GNG12: variants seen among roughly 807,000 people sequenced by gnomAD.
The protein encoded by GNG12 is guanine nucleotide-binding protein G(I)/G(S)/G(O) subunit gamma-12.
For synonymous variants in GNG12, 28 were observed against 29.7 expected, an observed-to-expected ratio of 0.94 and a Z score of 0.19; for missense variants, 69 against 83.8, an observed-to-expected ratio of 0.82 and a Z score of 0.69.
intron 1 of GNG12, among the ~76,000 whole-genome samples, chr1:67,802,596 A>G (rs530666013): frequency 2.0e-5 from 3 of 152,174 alleles, no homozygotes; most frequent in Non-Finnish European, 4.4e-5. Context: ...AAAACAAAAA[A>G]TCATTAGGGA....
chr1:67,813,954 T>C (rs1646940118), intron 1 of GNG12, among the ~76,000 whole-genome samples: 1 of 152,134 alleles, frequency 6.6e-6, no homozygotes, highest in Non-Finnish European at 1.5e-5. Flanking sequence ...CACATATATA[T>C]GTAATTAAAA....
chr1:67,821,902 G>A (rs1646987039), intron 1 of GNG12, among the ~76,000 whole-genome samples: 1 of 152,004 alleles, frequency 6.6e-6, no homozygotes, highest in South Asian at 2.1e-4. Context: ...TTGCAAACGG[G>A]AAAACAGGAT....
intron 2 of GNG12, among the ~76,000 whole-genome samples, chr1:67,762,665 G>A (rs1375654565): frequency 4.6e-5 from 7 of 152,084 alleles, no homozygotes; most frequent in Non-Finnish European, 1.0e-4. Context: ...TTGAGCATTA[G>A]CGTTTATCTC....
chr1:67,803,589 G>A (rs566082093), intron 1 of GNG12, among the ~76,000 whole-genome samples: 1 of 152,248 alleles, frequency 6.6e-6, no homozygotes, highest in Non-Finnish European at 1.5e-5. Context: ...TAATGAGTGT[G>A]TACAACATAT....
chr1:67,824,792 A>C (rs1458602371), intron 1 of GNG12, among the ~76,000 whole-genome samples: 2 of 152,178 alleles, frequency 1.3e-5, no homozygotes, highest in Non-Finnish European at 2.9e-5. Context: ...TCTCATGTGA[A>C]AGTCAGTCAG....
chr1:67,744,274 A>C (rs527929920), intron 2 of GNG12, among the ~76,000 whole-genome samples: 1 of 152,304 alleles, frequency 6.6e-6, no homozygotes, highest in East Asian at 1.9e-4. Context: ...GATCAACTCC[A>C]AACTTTTGCT....
intron 1 of GNG12, among the ~76,000 whole-genome samples, chr1:67,810,423 G>C (rs972380432): frequency 1.3e-5 from 2 of 152,304 alleles, no homozygotes. Context: ...TGATAATGAT[G>C]TGTCAACTTA....
At chr1:67,730,481 G>T (rs1420358061) in intron 2 of GNG12, among the ~76,000 whole-genome samples, 2 of 152,106 alleles carry the variant, frequency 1.3e-5, no homozygotes, top group African/African-American at 4.8e-5. Context: ...CTCCAGCCTG[G>T]TCAACAGAGC....
At chr1:67,832,957 C>T (rs1360288421) in intron 1 of GNG12, among the ~76,000 whole-genome samples, 1 of 152,210 alleles carries the variant, frequency 6.6e-6, no homozygotes, top group Non-Finnish European at 1.5e-5. Context: ...CGGCCGCAGG[C>T]TGGCGAGGAG....
chr1:67,701,534 G>C lies in GNG12; in HGVS notation c.*3917C>G, dbSNP rs568817870. On this transcript the variant is annotated 3_prime_UTR_variant, in exon 4 of 4. Transcript: ENST00000370982. ...TAGGATGATACAATGAGGCACTGAC[G>C]CAGTACAGAAAGCAATGGTGCTTTT... 4 of 152,666 alleles carry C rather than the reference G, an allele frequency of 2.6e-5. No individual in the cohort carries two copies. The highest frequency in any genetic ancestry group is 5.9e-5 in the Non-Finnish European group (4 of 68,048). 9.5% of individuals were successfully genotyped at this position (152,666 alleles called of 1,614,324 possible). A position where few individuals can be genotyped will look rare whatever the true frequency, so the allele number is the denominator to read the frequency against.
chr1:67,803,873 C>CAACAAAACAA (rs373252668), intron 1 of GNG12, among the ~76,000 whole-genome samples: 1 of 151,936 alleles, frequency 6.6e-6, no homozygotes, highest in African/African-American at 2.4e-5. Context: ...GCAAGTGTAC[C>CAACAAAACAA]AACAAAACAA....
intron 2 of GNG12, among the ~76,000 whole-genome samples, chr1:67,761,320 T>C (rs1646602887): frequency 6.6e-6 from 1 of 152,208 alleles, no homozygotes. Flanking sequence ...AAATAATAAC[T>C]GAGTGAAAAA....
intron 1 of GNG12, among the ~76,000 whole-genome samples, chr1:67,789,320 A>G (rs566754854): frequency 2.6e-5 from 4 of 152,208 alleles, no homozygotes; most frequent in Non-Finnish European, 5.9e-5. Flanking sequence ...AGAAAAAAAC[A>G]ATGATTTCTA....
At chr1:67,761,249 C>T (rs1012808434) in intron 2 of GNG12, among the ~76,000 whole-genome samples, 8 of 152,210 alleles carry the variant, frequency 5.3e-5, no homozygotes, top group African/African-American at 1.4e-4. Flanking sequence ...CTCTGTGCCA[C>T]GCCCTGAATT....
intron 2 of GNG12, among the ~76,000 whole-genome samples, chr1:67,732,528 C>G (rs150324993): frequency 1.1e-4 from 17 of 152,292 alleles, no homozygotes; most frequent in African/African-American, 4.1e-4. Flanking sequence ...CAAGAAAGAA[C>G]AAAACACTCC....
chr1:67,809,230 C>CG (rs1230050120), intron 1 of GNG12, among the ~76,000 whole-genome samples: 1 of 149,268 alleles, frequency 6.7e-6, no homozygotes, highest in African/African-American at 2.6e-5. Flanking sequence ...ACATTCCCTG[C>CG]CCCCACCAAA....
At chr1:67,755,531 C>T (rs1002366427) in intron 2 of GNG12, among the ~76,000 whole-genome samples, 1 of 152,186 alleles carries the variant, frequency 6.6e-6, no homozygotes, top group Non-Finnish European at 1.5e-5. Context: ...GTCTTCCGGC[C>T]TCACACTATA....
intron 2 of GNG12, among the ~76,000 whole-genome samples, chr1:67,750,051 AC>A (rs1182868091): frequency 2.8e-4 from 43 of 152,210 alleles, no homozygotes; most frequent in Admixed American, 3.3e-4. Flanking sequence ...TACAGAAGGT[AC>A]CCACTGCCCA....
At chr1:67,741,637 G>A (rs1479586839) in intron 2 of GNG12, among the ~76,000 whole-genome samples, 1 of 152,156 alleles carries the variant, frequency 6.6e-6, no homozygotes, top group Non-Finnish European at 1.5e-5. Context: ...AATTAAGCTA[G>A]CTGTTTGATA....
Sources: allele counts gnomAD v4.1 joint callset (sites outside exome capture counted in the v4.1 genomes callset), GRCh38; gene constraint gnomAD v4.1.1; transcripts MANE v1.5; gene names NCBI Gene and HGNC (gene_info 2026-07-23, HGNC 2026-07-21).